The following SLIT1 variants were observed in gnomAD, a reference collection of about 807,000 sequenced individuals.
SLIT1 encodes slit homolog 1 protein.
In SLIT1, 66 loss-of-function variants were observed where a neutral mutation model predicts 186.1. The ratio of observed to expected loss-of-function variants is 0.35; its 90% CI spans 0.29 to 0.44. The LOEUF (loss-of-function observed/expected upper bound fraction) is 0.44. Ranked by LOEUF, SLIT1 falls within the 20% of genes least tolerant of loss-of-function variation. SLIT1 has a pLI of 1.00. For synonymous variants in SLIT1, 761 were observed against 833.8 expected (o/e 0.91, Z 1.50); for missense variants, 1,638 against 2,037.4 (o/e 0.80, Z 3.77).
intron 4 of SLIT1, among the ~76,000 whole-genome samples, chr10:97,116,259 A>G (rs1849509273): frequency 6.6e-6 from 1 of 152,140 alleles, no homozygotes; most frequent in African/African-American, 2.4e-5. Context: ...GAGAAGGAAG[A>G]GAGAGAGAAA....
intron 1 of SLIT1, among the ~76,000 whole-genome samples, chr10:97,180,695 T>C (rs1850324611): frequency 6.6e-6 from 1 of 152,204 alleles, no homozygotes; most frequent in African/African-American, 2.4e-5. Flanking sequence ...GTCCCCACTC[T>C]GTCTCCACAT....
intron 4 of SLIT1, among the ~76,000 whole-genome samples, chr10:97,132,801 T>A (rs1849666646): frequency 6.6e-6 from 1 of 152,154 alleles, no homozygotes. Flanking sequence ...CCAGGGCCGG[T>A]GGGGCCAGCA....
intron 4 of SLIT1, among the ~76,000 whole-genome samples, chr10:97,116,754 G>A (rs1210391215): frequency 6.6e-6 from 1 of 152,174 alleles, no homozygotes; most frequent in Admixed American, 6.5e-5. Flanking sequence ...CACCAGGCCT[G>A]GTCCTCACCC....
At chr10:97,095,790 G>A (rs1259646606) in intron 4 of SLIT1, among the ~76,000 whole-genome samples, 2 of 152,094 alleles carry the variant, frequency 1.3e-5, no homozygotes, top group African/African-American at 2.4e-5. Context: ...CCTTGGGTGC[G>A]ACCCTCTGCC....
intron 1 of SLIT1, among the ~76,000 whole-genome samples, chr10:97,182,879 A>G (rs1850358359): frequency 6.6e-6 from 1 of 151,388 alleles, no homozygotes; most frequent in Non-Finnish European, 1.5e-5. Flanking sequence ...TAATCCCAAC[A>G]CTTTGGGAGG....
chr10:97,137,322 A>T (rs533130307), intron 4 of SLIT1, among the ~76,000 whole-genome samples: 197 of 152,300 alleles, frequency 1.3e-3, no homozygotes, highest in Middle Eastern at 0.01. Context: ...TCTCAGCCAC[A>T]TTTGGTTGCC....
chr10:97,097,685 G>A (rs953785937), intron 4 of SLIT1, among the ~76,000 whole-genome samples: 3 of 152,166 alleles, frequency 2.0e-5, no homozygotes, highest in Admixed American at 6.5e-5. Flanking sequence ...AGTCTTCCCT[G>A]ACTTACTCCA....
chr10:97,184,416 T>G lies in SLIT1; in HGVS notation c.197+1062A>C, dbSNP rs1289708089. 2.6e-5 allele frequency among the ~76,000 whole-genome samples: 4 copies of G among 151,022 alleles called. No homozygotes were observed. In the South Asian group the frequency reaches 6.3e-4, roughly 24 times the overall value. On this transcript the variant is annotated intron_variant, in intron 1 of 36. Coordinates refer to ENST00000266058, the MANE Select transcript of SLIT1 (RefSeq NM_003061.3). This position sits in a 1 kb window ranked among gnomAD's most constrained non-coding sequence, Gnocchi z 4.4. ...ACCTCTGCGAGCAGTACAAAGGCCC[T>G]GCATGTGACCAAAATCTACACACAC...
At chr10:97,070,064 C>G (rs1342693306) in intron 4 of SLIT1, among the ~76,000 whole-genome samples, 2 of 152,220 alleles carry the variant, frequency 1.3e-5, no homozygotes, top group Non-Finnish European at 2.9e-5. Context: ...CAACAGCAGG[C>G]ACAGGCTTGC....
At chr10:97,049,157 CT>C (rs1486598419) in intron 13 of SLIT1, 39 bp from the exon 14 acceptor site, 3 of 1,596,498 alleles carry the variant, frequency 1.9e-6, no homozygotes, top group Non-Finnish European at 2.6e-6. Context: ...GAAACAAGGG[CT>C]GCAAACCCGC....
rs9665707 is a variant in SLIT1, at chr10:97,021,575, T to C, written c.2583-162A>G. Among the ~76,000 whole-genome samples the C allele has an allele frequency of 0.014, 2,067 of 152,034 alleles. 55 individuals carry two copies. Among genetic ancestry groups the C allele is most frequent in the African/African-American group, 0.047 (1,930 of 41,416 alleles). Reference sequence around the variant, plus strand: ...CAGTGCTGCTTTTTTTTTTTTTTCTTTTTTTGAGATGGAGTGTCGCTCTGT... The same window carrying C: ...CAGTGCTGCTTTTTTTTTTTTTTCTCTTTTTGAGATGGAGTGTCGCTCTGT... On this transcript the variant is annotated intron_variant, in intron 25 of 36. Transcript: ENST00000266058. The surrounding 1 kb of genome is among the most constrained non-coding windows in gnomAD (Gnocchi z 4.5).
In SLIT1 at chr10:97,022,799, G is replaced by A. The variant is rs946976685; in HGVS notation, c.2583-1386C>T. On this transcript the variant is annotated intron_variant, in intron 25 of 36. Transcript: ENST00000266058. The surrounding 1 kb of genome is among the most constrained non-coding windows in gnomAD (Gnocchi z 4.2). ...AGTCACAGGGTCACCATGCTCAGGC[G>A]TGTAGCCTTCCAGGCCTTTCCCACA... Among the ~76,000 whole-genome samples the A allele has an allele frequency of 5.9e-5, 9 of 152,216 alleles. No homozygotes were observed. The highest frequency in any genetic ancestry group is 1.0e-4 in the Non-Finnish European group (7 of 68,042).
chr10:97,079,575 A>G (rs557887950), intron 4 of SLIT1, among the ~76,000 whole-genome samples: 1 of 152,310 alleles, frequency 6.6e-6, no homozygotes, highest in African/African-American at 2.4e-5. Context: ...CAAGTGACAA[A>G]TACTCCAAGA....
intron 4 of SLIT1, among the ~76,000 whole-genome samples, chr10:97,084,746 C>A (rs1431869194): frequency 6.6e-6 from 1 of 151,814 alleles, no homozygotes; most frequent in Non-Finnish European, 1.5e-5. Flanking sequence ...GCTGGGATTG[C>A]AGGCGAGTGC....
Position 97,000,794 on chromosome 10 carries a change from G to T in SLIT1, c.*318C>A. 3.2e-6 allele frequency: 1 copy of T among 308,076 alleles called. No homozygotes were observed. Among genetic ancestry groups the T allele is most frequent in the Non-Finnish European group, 6.0e-6 (1 of 165,794 alleles). 19.1% of individuals were successfully genotyped at this position (308,076 alleles called of 1,614,324 possible). On this transcript the variant is annotated 3_prime_UTR_variant, in exon 37 of 37. Transcript: ENST00000266058. ...CCAGATTCAGATAGCAGGTAAGGAGGGGTGTCATCGTTCTGCACTTCTTGG... is the reference window on the plus strand; with the variant it reads ...CCAGATTCAGATAGCAGGTAAGGAGTGGTGTCATCGTTCTGCACTTCTTGG...
intron 5 of SLIT1, chr10:97,065,792 CG>C: frequency 3.9e-6 from 2 of 508,926 alleles, no homozygotes; most frequent in Non-Finnish European, 7.1e-6. Flanking sequence ...GGGCCCCCTC[CG>C]TTGGCTCTCA....
At chr10:97,113,720 T>A (rs1849484651) in intron 4 of SLIT1, among the ~76,000 whole-genome samples, 1 of 151,898 alleles carries the variant, frequency 6.6e-6, no homozygotes, top group Non-Finnish European at 1.5e-5. Flanking sequence ...GCCCAGCTAA[T>A]TTTGTATGTT....
chr10:97,176,279 C>T (rs1057148250), intron 1 of SLIT1, among the ~76,000 whole-genome samples: 15 of 152,110 alleles, frequency 9.9e-5, no homozygotes, highest in African/African-American at 3.6e-4. Context: ...GGTAAAGCAG[C>T]TCCTTTGAGG....
intron 4 of SLIT1, among the ~76,000 whole-genome samples, chr10:97,078,573 T>C (rs1215785084): frequency 6.6e-6 from 1 of 152,196 alleles, no homozygotes; most frequent in Admixed American, 6.5e-5. Context: ...AGTTCAGCCC[T>C]GCCAAGGAAC....
Sources: gnomAD v4.1 joint callset for allele counts (sites outside exome capture counted in the v4.1 genomes callset) on GRCh38, gnomAD v4.1.1 for gene constraint, Gnocchi (gnomAD v3.1) non-coding constraint, MANE v1.5 for transcripts, NCBI Gene and HGNC (gene_info 2026-07-23, HGNC 2026-07-21) for gene names.